CAMK1D: variants seen among roughly 807,000 people sequenced by gnomAD.
CAMK1D encodes the protein calcium/calmodulin dependent protein kinase ID, also known as calcium/calmodulin-dependent protein kinase type 1D.
Under a neutral mutation model 47.7 loss-of-function variants are expected in CAMK1D, and 9 were observed. The observed-to-expected ratio is 0.19, with a 90% CI of 0.11 to 0.33. The LOEUF is 0.33. Among genes scored for constraint, CAMK1D ranks in the 10% least tolerant of loss-of-function variants. The pLI, the probability that CAMK1D is intolerant of heterozygous loss-of-function variation, is 1.00. For missense variants in CAMK1D, 291 were observed against 488.7 expected (o/e 0.60, Z 3.81); for synonymous variants, 184 against 184.9 (o/e 0.99, Z 0.04).
intron 1 of CAMK1D, among the ~76,000 whole-genome samples, chr10:12,514,695 A>T (rs774780836): frequency 1.3e-5 from 2 of 152,276 alleles, no homozygotes; most frequent in Non-Finnish European, 2.9e-5. Context: ...AAGCTAGCAT[A>T]GGCTTCAGTC....
At position 12,615,824 on chromosome 10, in the gene CAMK1D, ATG is replaced by A. The variant is rs923268010; in HGVS notation, c.225-50907_225-50906del. ...GTGTTGTGTGCGTGTGTATAGGTAT[ATG>A]TGTGCGTTCGTGTGTGTATAGGTGT... On this transcript the variant is annotated intron_variant, in intron 2 of 10. Coordinates refer to ENST00000619168, the MANE Select transcript of CAMK1D (RefSeq NM_153498.4). Among the ~76,000 whole-genome samples, 8 of 148,856 alleles carry A rather than the reference ATG, an allele frequency of 5.4e-5. No homozygotes were observed. In the East Asian group the frequency reaches 1.0e-3, roughly 19 times the overall value.
At chr10:12,526,071 A>G (rs986896656) in intron 1 of CAMK1D, among the ~76,000 whole-genome samples, 2 of 152,148 alleles carry the variant, frequency 1.3e-5, no homozygotes, top group African/African-American at 4.8e-5. Context: ...TGTCCTATGT[A>G]TTTTGAACAT....
intron 3 of CAMK1D, among the ~76,000 whole-genome samples, chr10:12,757,783 C>T (rs529170864): frequency 6.6e-6 from 1 of 151,268 alleles, no homozygotes; most frequent in South Asian, 2.1e-4. Context: ...TGTGTCCTCA[C>T]ATGGTAAAGA....
chr10:12,457,596 C>CA (rs71384329), intron 1 of CAMK1D, among the ~76,000 whole-genome samples: 49,325 of 151,306 alleles, frequency 0.33, 8,476 homozygotes, highest in East Asian at 0.53. Flanking sequence ...TCCTGGCCAA[C>CA]ATGGTGAAAC....
At chr10:12,591,612 G>C (rs2132362934) in intron 2 of CAMK1D, among the ~76,000 whole-genome samples, 1 of 152,284 alleles carries the variant, frequency 6.6e-6, no homozygotes, top group East Asian at 1.9e-4. Context: ...AAAGACCCAG[G>C]AAGAAGCCCG....
At chr10:12,758,290 T>C (rs1193419570) in intron 3 of CAMK1D, among the ~76,000 whole-genome samples, 1 of 152,228 alleles carries the variant, frequency 6.6e-6, no homozygotes, top group Non-Finnish European at 1.5e-5. Context: ...CCATAGGTTT[T>C]TGAAATGCAG....
rs1833461894 is a variant in CAMK1D at position 12,833,935 on chromosome 10, A to AAG, written c.*5049_*5050insGA. 1 of 151,714 alleles carries AAG rather than the reference A, an allele frequency of 6.6e-6. No homozygotes were observed. The highest frequency in any genetic ancestry group is 1.5e-5 in the Non-Finnish European group (1 of 67,968). 9.4% of individuals were successfully genotyped at this position (151,714 alleles called of 1,614,324 possible). A position where few individuals can be genotyped will look rare whatever the true frequency, so the allele number is the denominator to read the frequency against. On this transcript the variant is annotated 3_prime_UTR_variant, in exon 11 of 11. Transcript: ENST00000619168. ...GTTTGTTAAAAAAAAAAAAAAAAAA[A>AAG]AAAGATGTATATACCTGTATGTGAT...
At chr10:12,655,691 G>A (rs1024107068) in intron 2 of CAMK1D, among the ~76,000 whole-genome samples, 16 of 152,308 alleles carry the variant, frequency 1.1e-4, no homozygotes, top group African/African-American at 2.6e-4. Context: ...TCGAAAGACC[G>A]CCAGGCCTCA....
chr10:12,594,320 A>G (rs1165833368), intron 2 of CAMK1D, among the ~76,000 whole-genome samples: 3 of 152,228 alleles, frequency 2.0e-5, no homozygotes, highest in South Asian at 2.1e-4. Flanking sequence ...CAAGCATCTC[A>G]AGATGTGGTA....
chr10:12,401,712 G>T (rs1839231639), intron 1 of CAMK1D, among the ~76,000 whole-genome samples: 1 of 151,824 alleles, frequency 6.6e-6, no homozygotes, highest in Non-Finnish European at 1.5e-5. Context: ...GGATGGGTAG[G>T]AGTTTACCAG....
At chr10:12,407,353 A>G (rs1839474467) in intron 1 of CAMK1D, among the ~76,000 whole-genome samples, 1 of 152,350 alleles carries the variant, frequency 6.6e-6, no homozygotes, top group South Asian at 2.1e-4. Context: ...AGGAAATCAT[A>G]CCAGCCTTCC....
chr10:12,502,893 A>G (rs1161111765), intron 1 of CAMK1D, among the ~76,000 whole-genome samples: 1 of 152,202 alleles, frequency 6.6e-6, no homozygotes, highest in Non-Finnish European at 1.5e-5. Context: ...TGCAGGGTGC[A>G]GTTCACTGCC....
chr10:12,372,158 G>C (rs1474767917), intron 1 of CAMK1D, among the ~76,000 whole-genome samples: 1 of 152,184 alleles, frequency 6.6e-6, no homozygotes, highest in African/African-American at 2.4e-5. Flanking sequence ...ACCTAGGTTT[G>C]TGTAAATGCA....
chr10:12,761,384 G>A (rs1836501422), intron 4 of CAMK1D, among the ~76,000 whole-genome samples: 1 of 152,150 alleles, frequency 6.6e-6, no homozygotes. Flanking sequence ...TCTAAGAGAC[G>A]ATTTTGCTCA....
intron 1 of CAMK1D, among the ~76,000 whole-genome samples, chr10:12,406,209 C>T (rs1159511320): frequency 2.6e-5 from 4 of 152,148 alleles, no homozygotes; most frequent in Non-Finnish European, 4.4e-5. Flanking sequence ...CATTCAGCTT[C>T]CCTGACTCCT....
chr10:12,496,841 A>G (rs1834553781), intron 1 of CAMK1D, among the ~76,000 whole-genome samples: 1 of 152,140 alleles, frequency 6.6e-6, no homozygotes. Context: ...TCACCTAGGT[A>G]TGAAGCCTGG....
intron 1 of CAMK1D, among the ~76,000 whole-genome samples, chr10:12,536,443 TA>T (rs112146321): frequency 2.1e-4 from 32 of 152,264 alleles, no homozygotes; most frequent in African/African-American, 7.7e-4. Flanking sequence ...CACACCTAGA[TA>T]ATTTTTGTAT....
intron 3 of CAMK1D, among the ~76,000 whole-genome samples, chr10:12,689,233 G>A (rs917849533): frequency 4.6e-5 from 7 of 152,160 alleles, no homozygotes; most frequent in African/African-American, 1.7e-4. Flanking sequence ...CATTTACTCA[G>A]TTCTCTCCTC....
chr10:12,478,716 C>T (rs12762343), intron 1 of CAMK1D, among the ~76,000 whole-genome samples: 19,295 of 152,082 alleles, frequency 0.13, 1,454 homozygotes, highest in Non-Finnish European at 0.18. Context: ...CCTGGACTGG[C>T]GACCCCAAAT....
Sources: gnomAD v4.1 joint callset for allele counts (sites outside exome capture counted in the v4.1 genomes callset) on GRCh38, gnomAD v4.1.1 for gene constraint, MANE v1.5 for transcripts, NCBI Gene and HGNC (gene_info 2026-07-23, HGNC 2026-07-21) for gene names.